SIPA1L3: variants seen among roughly 807,000 people sequenced by gnomAD.
The protein encoded by SIPA1L3 is signal-induced proliferation-associated 1-like protein 3.
In SIPA1L3, 59 loss-of-function variants were observed where a neutral mutation model predicts 150.1. The observed-to-expected ratio is 0.39, with a 90% CI of 0.32 to 0.49. SIPA1L3 has a LOEUF of 0.49. Among genes scored for constraint, SIPA1L3 ranks in the 20% least tolerant of loss-of-function variants. The probability of loss-of-function intolerance (pLI) is 0.86; values close to 1 mark genes in which losing one functional copy is unlikely to be tolerated. For synonymous variants in SIPA1L3, 1,070 were observed against 1,077.6 expected (o/e 0.99, Z 0.14); for missense variants, 2,211 against 2,489.5 (o/e 0.89, Z 2.38).
At chr19:38,105,465 A>G (rs1970601890) in intron 6 of SIPA1L3, among the ~76,000 whole-genome samples, 1 of 152,016 alleles carries the variant, frequency 6.6e-6, no homozygotes, top group South Asian at 2.1e-4. Flanking sequence ...CTCCCTCTCC[A>G]TGCCTCAGTT....
intron 1 of SIPA1L3, among the ~76,000 whole-genome samples, chr19:37,986,204 G>C (rs746711787): frequency 1.3e-5 from 2 of 152,172 alleles, no homozygotes; most frequent in Non-Finnish European, 2.9e-5. Context: ...CTTAAACTCC[G>C]GCTTCCCCAC....
intron 12 of SIPA1L3, among the ~76,000 whole-genome samples, chr19:38,143,832 C>G (rs567751364): frequency 6.6e-6 from 1 of 152,196 alleles, no homozygotes; most frequent in East Asian, 1.9e-4. Flanking sequence ...AGCCCGTGCA[C>G]CTGGCCAGAT....
chr19:38,172,968 G>A (rs1972358787), intron 15 of SIPA1L3, among the ~76,000 whole-genome samples: 1 of 152,032 alleles, frequency 6.6e-6, no homozygotes, highest in African/African-American at 2.4e-5. Flanking sequence ...TGGGTGTGGT[G>A]GCACACGCAT....
At chr19:38,140,397 CTTTTTT>C (rs200086221) in intron 10 of SIPA1L3, among the ~76,000 whole-genome samples, 1 of 146,992 alleles carries the variant, frequency 6.8e-6, no homozygotes, top group Admixed American at 6.7e-5. Context: ...GATTTCATGG[CTTTTTT>C]TTTTTTTTTT....
intron 3 of SIPA1L3, among the ~76,000 whole-genome samples, chr19:38,084,674 G>A (rs867296785): frequency 1.6e-5 from 2 of 126,268 alleles, no homozygotes; most frequent in South Asian, 4.9e-4. Context: ...TCGCTCTGTC[G>A]CCTCGCCCAG....
intron 15 of SIPA1L3, among the ~76,000 whole-genome samples, chr19:38,172,522 C>T (rs1401401384): frequency 6.6e-6 from 1 of 152,156 alleles, no homozygotes; most frequent in Non-Finnish European, 1.5e-5. Context: ...TCTGGGAAGG[C>T]TTCTCAGGAG....
chr19:38,182,031 A>G (rs532113196), intron 15 of SIPA1L3, among the ~76,000 whole-genome samples: 1 of 149,942 alleles, frequency 6.7e-6, no homozygotes, highest in East Asian at 2.0e-4. Flanking sequence ...AGTCCCAGCT[A>G]CTCGGAGGCT....
chr19:38,121,047 A>T (rs1436580724), intron 9 of SIPA1L3, among the ~76,000 whole-genome samples: 2 of 152,218 alleles, frequency 1.3e-5, no homozygotes, highest in Non-Finnish European at 2.9e-5. Flanking sequence ...CAGGTACAAG[A>T]ATCATTCTGC....
chr19:37,958,989 C>A (rs1013117411), intron 1 of SIPA1L3, among the ~76,000 whole-genome samples: 18 of 152,174 alleles, frequency 1.2e-4, no homozygotes, highest in African/African-American at 4.3e-4. Context: ...CTATTTCACA[C>A]CAACTAGGAT....
chr19:38,180,469 A>C (rs1016610602), intron 15 of SIPA1L3, among the ~76,000 whole-genome samples: 1 of 150,452 alleles, frequency 6.6e-6, no homozygotes, highest in Non-Finnish European at 1.5e-5. Context: ...GCTCCTCTAT[A>C]TGCGATGCAT....
intron 9 of SIPA1L3, among the ~76,000 whole-genome samples, chr19:38,123,263 TG>T (rs201746150): frequency 5.4e-5 from 8 of 148,990 alleles, no homozygotes; most frequent in African/African-American, 1.8e-4. Flanking sequence ...GTTTTTTTTT[TG>T]TTTTTTTTGT....
At chr19:37,978,561 C>T (rs1020825911) in intron 1 of SIPA1L3, among the ~76,000 whole-genome samples, 1 of 152,234 alleles carries the variant, frequency 6.6e-6, no homozygotes, top group Non-Finnish European at 1.5e-5. Flanking sequence ...GGATTCTGGC[C>T]ATGGTCTCTT....
intron 9 of SIPA1L3, among the ~76,000 whole-genome samples, chr19:38,128,919 C>T (rs1429022714): frequency 6.6e-6 from 1 of 152,054 alleles, no homozygotes; most frequent in African/African-American, 2.4e-5. Flanking sequence ...TTATTCCTTT[C>T]TTCAAGTGGT....
intron 1 of SIPA1L3, among the ~76,000 whole-genome samples, chr19:37,927,612 T>A (rs2046515924): frequency 6.7e-6 from 1 of 150,026 alleles, no homozygotes; most frequent in African/African-American, 2.5e-5. Context: ...GGGGTGTGTG[T>A]GTATATGCAA....
At chr19:38,130,963 G>A (rs1366004553) in intron 10 of SIPA1L3, 191 bp downstream of exon 10, 1 of 613,752 alleles carries the variant, frequency 1.6e-6, no homozygotes, top group Non-Finnish European at 2.8e-6. Flanking sequence ...GCCAGTTATT[G>A]GTTTAGCCCT....
rs182703602 is a variant in SIPA1L3 at position 38,204,573 on chromosome 19, G to A, written c.5202+365G>A. ...GAGGTCAGGAGTTCGAGACCAGCCTGGTCAACATGGTGAAACCCCATCTCT... is the reference window on the plus strand; with the variant it reads ...GAGGTCAGGAGTTCGAGACCAGCCTAGTCAACATGGTGAAACCCCATCTCT... On this transcript the variant is annotated intron_variant, in intron 21 of 21. Coordinates refer to ENST00000222345, the MANE Select transcript of SIPA1L3 (RefSeq NM_015073.3). Among the ~76,000 whole-genome samples the A allele has an allele frequency of 1.0e-3, 154 of 152,304 alleles. 2 individuals are homozygous for A. The highest frequency in any genetic ancestry group is 2.1e-4 in the Non-Finnish European group (14 of 68,026).
At chr19:38,132,334 C>T (rs940786392) in intron 10 of SIPA1L3, among the ~76,000 whole-genome samples, 2 of 151,464 alleles carry the variant, frequency 1.3e-5, no homozygotes, top group East Asian at 2.0e-4. Flanking sequence ...CCGAGGCGGG[C>T]GGATCACCAG....
At position 38,085,975 on chromosome 19, in the gene SIPA1L3, G is replaced by A. The variant is rs187727616; in HGVS notation, c.1535-2746G>A. ...CGCACCATCACAATCCAGCCTGGGC[G>A]ACAGAGTGAGACTCTGTCCCCTCAA... On this transcript the variant is annotated intron_variant, in intron 3 of 21. Coordinates refer to ENST00000222345, the MANE Select transcript of SIPA1L3 (RefSeq NM_015073.3). 3.2e-3 allele frequency among the ~76,000 whole-genome samples: 492 copies of A among 151,774 alleles called. 2 individuals are homozygous for A. Among genetic ancestry groups the A allele is most frequent in the Non-Finnish European group, 3.7e-3 (254 of 67,908 alleles).
chr19:38,032,809 C>G (rs530928855), intron 2 of SIPA1L3, among the ~76,000 whole-genome samples: 2 of 151,238 alleles, frequency 1.3e-5, no homozygotes, highest in East Asian at 3.9e-4. Context: ...GCTGAGGTTG[C>G]GCCACTGCAC....
Sources: allele counts gnomAD v4.1 joint callset (sites outside exome capture counted in the v4.1 genomes callset), GRCh38; gene constraint gnomAD v4.1.1; transcripts MANE v1.5; gene names NCBI Gene and HGNC (gene_info 2026-07-23, HGNC 2026-07-21).